Variants in GABRG3 observed in about 807,000 individuals in gnomAD.
The protein encoded by GABRG3 is gamma-aminobutyric acid type A receptor subunit gamma3, also known as gamma-aminobutyric acid receptor subunit gamma-3.
In GABRG3, 25 loss-of-function variants were observed where a neutral mutation model predicts 48.8. The ratio of observed to expected loss-of-function variants is 0.51; its 90% CI spans 0.37 to 0.72. GABRG3 has a LOEUF of 0.72. Ranked by LOEUF, GABRG3 falls within the 30% of genes least tolerant of loss-of-function variation. The pLI is 0.00. For synonymous variants in GABRG3, 227 were observed against 217.6 expected (o/e 1.04, Z -0.38); for missense variants, 394 against 577.9 (o/e 0.68, Z 3.26).
At chr15:27,396,942 G>A (rs908071338) in intron 5 of GABRG3, among the ~76,000 whole-genome samples, 5 of 152,192 alleles carry the variant, frequency 3.3e-5, no homozygotes, top group African/African-American at 1.2e-4. Flanking sequence ...ACCTGGGGCT[G>A]GAAAATGGGG....
intron 5 of GABRG3, among the ~76,000 whole-genome samples, chr15:27,411,632 A>G (rs969369316): frequency 1.3e-5 from 2 of 151,506 alleles, no homozygotes; most frequent in Non-Finnish European, 2.9e-5. Flanking sequence ...TATGGGGGGG[A>G]TTTTCAAAGG....
intron 3 of GABRG3, among the ~76,000 whole-genome samples, chr15:27,074,335 A>G (rs1188300321): frequency 7.0e-6 from 1 of 142,920 alleles, no homozygotes; most frequent in Non-Finnish European, 1.6e-5. Context: ...GTTTCGTCAG[A>G]GCCCCAAGAG....
chr15:27,019,437 T>A (rs1354066936), intron 2 of GABRG3, among the ~76,000 whole-genome samples: 1 of 152,184 alleles, frequency 6.6e-6, no homozygotes, highest in East Asian at 1.9e-4. Context: ...CCCCGGATTC[T>A]CTGCTTTGGT....
At chr15:27,145,330 A>G (rs1898178784) in intron 3 of GABRG3, among the ~76,000 whole-genome samples, 2 of 152,098 alleles carry the variant, frequency 1.3e-5, no homozygotes, top group African/African-American at 4.8e-5. Context: ...CCAAATGGAG[A>G]TTGTAAAAAA....
Position 27,108,086 on chromosome 15 carries a change from C to T in GABRG3, c.270+81265C>T, listed in dbSNP as rs556834969. On this transcript the variant is annotated intron_variant, in intron 3 of 9. Transcript: ENST00000615808. ...TGTTTTATACTCTTAGTTTTTATCA[C>T]CTCCTTTCATCTGTTTGTTTTAGGC... 5.4e-5 allele frequency among the ~76,000 whole-genome samples: 8 copies of T among 147,316 alleles called. No individual in the cohort carries two copies. In the East Asian group the frequency reaches 8.0e-4, roughly 15 times the overall value.
chr15:27,305,057 T>C (rs1028893765), intron 3 of GABRG3, among the ~76,000 whole-genome samples: 10 of 151,974 alleles, frequency 6.6e-5, no homozygotes, highest in African/African-American at 2.4e-4. Context: ...ATGAGAATTT[T>C]ATAGTACTAT....
At chr15:27,174,827 C>A (rs1887694697) in intron 3 of GABRG3, among the ~76,000 whole-genome samples, 1 of 152,074 alleles carries the variant, frequency 6.6e-6, no homozygotes, top group South Asian at 2.1e-4. Flanking sequence ...CTGTACATTT[C>A]TTTACCAAGC....
intron 3 of GABRG3, among the ~76,000 whole-genome samples, chr15:27,205,225 G>T (rs2140431108): frequency 6.6e-6 from 1 of 152,150 alleles, no homozygotes; most frequent in African/African-American, 2.4e-5. Flanking sequence ...TTTGAGATAT[G>T]TTCCTTCAAT....
At chr15:27,291,249 A>G (rs1255442379) in intron 3 of GABRG3, among the ~76,000 whole-genome samples, 1 of 152,240 alleles carries the variant, frequency 6.6e-6, no homozygotes, top group Non-Finnish European at 1.5e-5. Context: ...CATAACTCAT[A>G]CTTATGAAAG....
intron 5 of GABRG3, among the ~76,000 whole-genome samples, chr15:27,463,730 C>T (rs909059592): frequency 1.3e-5 from 2 of 152,100 alleles, no homozygotes; most frequent in South Asian, 2.1e-4. Flanking sequence ...GACACGGAGC[C>T]GAGTCCAGAC....
At chr15:27,341,432 G>A (rs1369560457) in intron 5 of GABRG3, among the ~76,000 whole-genome samples, 1 of 152,148 alleles carries the variant, frequency 6.6e-6, no homozygotes, top group Non-Finnish European at 1.5e-5. Context: ...TGAGTGTCAG[G>A]GAAGCCCTGG....
intron 5 of GABRG3, among the ~76,000 whole-genome samples, chr15:27,405,091 C>T (rs1261857271): frequency 6.6e-6 from 1 of 152,170 alleles, no homozygotes; most frequent in Non-Finnish European, 1.5e-5. Context: ...ACCTGTTATT[C>T]TAAAACTTGC....
At chr15:27,312,254 A>G (rs547886109) in intron 3 of GABRG3, among the ~76,000 whole-genome samples, 1 of 152,268 alleles carries the variant, frequency 6.6e-6, no homozygotes, top group East Asian at 1.9e-4. Flanking sequence ...TTATTCAGTC[A>G]TAGGAGCAAA....
At chr15:27,084,711 T>C (rs1342834860) in intron 3 of GABRG3, among the ~76,000 whole-genome samples, 1 of 152,218 alleles carries the variant, frequency 6.6e-6, no homozygotes, top group East Asian at 1.9e-4. Flanking sequence ...AGGAAAACCG[T>C]CCTCAGCCAC....
intron 2 of GABRG3, among the ~76,000 whole-genome samples, chr15:26,996,621 CTTATTTATTTAT>C (rs147458553): frequency 0.049 from 7,320 of 149,872 alleles, 248 homozygotes; most frequent in East Asian, 0.18. Context: ...TATATACTGG[CTTATTTATTTAT>C]TTATTTATTT....
At chr15:27,496,385 G>A (rs1456542639) in intron 6 of GABRG3, among the ~76,000 whole-genome samples, 2 of 152,350 alleles carry the variant, frequency 1.3e-5, no homozygotes, top group African/African-American at 4.8e-5. Context: ...TCTGTTGTGT[G>A]AGGCTGCCAC....
At chr15:27,393,117 G>A (rs935699474) in intron 5 of GABRG3, among the ~76,000 whole-genome samples, 4 of 152,022 alleles carry the variant, frequency 2.6e-5, no homozygotes, top group Admixed American at 6.5e-5. Flanking sequence ...AGGCCAAGGC[G>A]GGCAGATCAC....
intron 3 of GABRG3, among the ~76,000 whole-genome samples, chr15:27,288,732 AT>A (rs1428797213): frequency 2.8e-5 from 4 of 141,956 alleles, no homozygotes; most frequent in African/African-American, 7.6e-5. Flanking sequence ...AAAAAAAAAA[AT>A]AAGAGGAAAA....
chr15:26,988,491 G>A (rs1037905232), intron 2 of GABRG3, among the ~76,000 whole-genome samples: 11 of 151,920 alleles, frequency 7.2e-5, no homozygotes, highest in South Asian at 4.1e-4. Flanking sequence ...TGGTATATAC[G>A]TCTTTCCATC....
Sources: gnomAD v4.1 joint callset for allele counts (sites outside exome capture counted in the v4.1 genomes callset) on GRCh38, gnomAD v4.1.1 for gene constraint, MANE v1.5 for transcripts, NCBI Gene and HGNC (gene_info 2026-07-23, HGNC 2026-07-21) for gene names.